Variants in GOLGA4 observed in about 807,000 individuals in gnomAD.
GOLGA4 encodes the protein golgin A4.
GOLGA4 carries 169 observed loss-of-function variants against 265.9 expected under a neutral mutation model. The observed-to-expected ratio is 0.64, with a 90% confidence interval of 0.56 to 0.72. GOLGA4 has a LOEUF of 0.72. GOLGA4 is among the 30% of genes least tolerant of loss of function. GOLGA4 has a pLI of 0.00. For missense variants in GOLGA4, 2,482 were observed against 2,483.4 expected (o/e 1.00, Z 0.01); for synonymous variants, 923 against 855.8 (o/e 1.08, Z -1.37).
At chr3:37,298,560 T>C (rs1439073059) in intron 7 of GOLGA4, among the ~76,000 whole-genome samples, 1 of 152,228 alleles carries the variant, frequency 6.6e-6, no homozygotes, top group African/African-American at 2.4e-5. Flanking sequence ...TTGGCTAATT[T>C]GTTAGTCCTA....
intron 11 of GOLGA4, among the ~76,000 whole-genome samples, chr3:37,317,795 T>C (rs970984115): frequency 4.6e-5 from 7 of 152,300 alleles, no homozygotes; most frequent in African/African-American, 1.7e-4. Context: ...TGGTCTTTTA[T>C]GGATTTGTAG....
rs1162832884 is a variant in GOLGA4, at chr3:37,325,125, T to A, written c.3239T>A (p.Ile1080Asn). ...GAGGTAGCAGAACTGAAACAAAAGATCCTCCTATTTGGGTGTGAAAAAGAA... is the reference window on the plus strand; with the variant it reads ...GAGGTAGCAGAACTGAAACAAAAGAACCTCCTATTTGGGTGTGAAAAAGAA... ...EQEVAELKQK[I>N]LLFGCEKEEM... The change falls in exon 14 of 24, where the codon ATC (isoleucine) becomes AAC (asparagine). Residue 1080 changes from isoleucine (I) to asparagine (N), a missense_variant. Transcript: ENST00000361924. 3 of 1,612,998 alleles carry A rather than the reference T, an allele frequency of 1.9e-6. No individual in the cohort carries two copies. The highest frequency in any genetic ancestry group is 2.5e-6 in the Non-Finnish European group (3 of 1,179,484).
chr3:37,278,417 G>C (rs1447964005), intron 2 of GOLGA4, among the ~76,000 whole-genome samples: 1 of 152,056 alleles, frequency 6.6e-6, no homozygotes, highest in Non-Finnish European at 1.5e-5. Context: ...TGGCCAGTCT[G>C]GTCTTGAACT....
At chr3:37,274,365 T>C (rs2096807749) in intron 2 of GOLGA4, among the ~76,000 whole-genome samples, 1 of 151,870 alleles carries the variant, frequency 6.6e-6, no homozygotes, top group Admixed American at 6.6e-5. Context: ...ATTTTTTGTT[T>C]GAACCCCTCC....
chr3:37,364,301 C>T (rs145066459), intron 23 of GOLGA4, among the ~76,000 whole-genome samples: 5,844 of 152,078 alleles, frequency 0.038, 143 homozygotes, highest in African/African-American at 0.056. Context: ...AGTGCAGTGG[C>T]GCAATCTCGG....
chr3:37,347,320 GGT>G, intron 21 of GOLGA4, 24 bp downstream of exon 21: 1 of 1,266,528 alleles, frequency 7.9e-7, no homozygotes, highest in Non-Finnish European at 1.2e-6. Context: ...CTCGTGATTT[GGT>G]GTGTGGCTTA....
intron 10 of GOLGA4, among the ~76,000 whole-genome samples, chr3:37,303,659 C>G (rs1270260257): frequency 2.0e-5 from 3 of 152,124 alleles, no homozygotes; most frequent in Non-Finnish European, 2.9e-5. Flanking sequence ...AGCCTAGGAT[C>G]GAAGCCTGTG....
At chr3:37,299,201 A>G in intron 8 of GOLGA4, 87 bp from the exon 9 acceptor site, 1 of 981,344 alleles carries the variant, frequency 1.0e-6, no homozygotes, top group South Asian at 1.4e-5. Context: ...GCACTGTAAC[A>G]TGTATATAAA....
At chr3:37,254,506 A>ATTAATTGTTTTAATTAAACAATTGT (rs944623237) in intron 2 of GOLGA4, among the ~76,000 whole-genome samples, 19 of 152,074 alleles carry the variant, frequency 1.2e-4, no homozygotes, top group Non-Finnish European at 2.2e-4. Context: ...TAATTAAAAA[A>ATTAATTGTTTTAATTAAACAATTGT]TTAATTGTTT....
chr3:37,289,344 C>T, intron 5 of GOLGA4, 53 bp downstream of exon 5: 1 of 1,118,584 alleles, frequency 8.9e-7, no homozygotes, highest in Non-Finnish European at 1.3e-6. Context: ...TCATATTTAT[C>T]AGAACTGTTG....
chr3:37,320,112 T>A (rs1318558577), intron 12 of GOLGA4: 1 of 106,106 alleles, frequency 9.4e-6, no homozygotes, highest in Admixed American at 1.1e-4. Flanking sequence ...AAAAAAGAGT[T>A]AAATTAAAAA....
chr3:37,244,962 G>T (rs902097830), intron 1 of GOLGA4, among the ~76,000 whole-genome samples: 1 of 152,180 alleles, frequency 6.6e-6, no homozygotes, highest in African/African-American at 2.4e-5. Context: ...TGAATGTAAG[G>T]CACTTCCACT....
rs369553091 is a variant in GOLGA4 at position 37,365,773 on chromosome 3, A to G, written c.*34-307A>G. 2.0e-5 allele frequency among the ~76,000 whole-genome samples: 3 copies of G among 151,560 alleles called. No individual in the cohort carries two copies. In the East Asian group the frequency reaches 5.9e-4, roughly 30 times the overall value. ...ATGTTAATTTTTAGAAGATACCTTTAAGATTTAGTGTTTAGACAATTTCTA... is the reference window on the plus strand; with the variant it reads ...ATGTTAATTTTTAGAAGATACCTTTGAGATTTAGTGTTTAGACAATTTCTA... On this transcript the variant is annotated intron_variant, in intron 23 of 23. Coordinates refer to ENST00000361924, the MANE Select transcript of GOLGA4 (RefSeq NM_002078.5).
At chr3:37,257,183 T>C (rs2096751224) in intron 2 of GOLGA4, among the ~76,000 whole-genome samples, 1 of 152,240 alleles carries the variant, frequency 6.6e-6, no homozygotes, top group African/African-American at 2.4e-5. Context: ...ATGTTACCTT[T>C]TGTGTCTGAC....
intron 5 of GOLGA4, among the ~76,000 whole-genome samples, chr3:37,292,473 G>A (rs538810260): frequency 6.6e-6 from 1 of 152,218 alleles, no homozygotes; most frequent in African/African-American, 2.4e-5. Flanking sequence ...AGATCACGAG[G>A]TCAAGAGATC....
intron 1 of GOLGA4, 34 bp from the exon 2 acceptor site, chr3:37,251,359 AGT>A (rs757730167): frequency 7.8e-7 from 1 of 1,282,646 alleles, no homozygotes; most frequent in Non-Finnish European, 1.1e-6. Context: ...TAGTCAATAT[AGT>A]CTTGCTAATT....
intron 15 of GOLGA4, 68 bp downstream of exon 15, chr3:37,328,605 T>C: frequency 7.1e-7 from 1 of 1,412,252 alleles, no homozygotes; most frequent in African/African-American, 1.4e-5. Flanking sequence ...CTTATCATTT[T>C]TGCAGTGGTG....
At chr3:37,342,368 G>T (rs1009823703) in intron 20 of GOLGA4, among the ~76,000 whole-genome samples, 6 of 151,788 alleles carry the variant, frequency 4.0e-5, no homozygotes, top group African/African-American at 1.5e-4. Flanking sequence ...AGTAAATTGA[G>T]CACCTATCTT....
rs1226775035 is a variant in GOLGA4 at position 37,273,488 on chromosome 3, T to C, written c.163-8470T>C. 11 of 1,017,358 alleles carry C rather than the reference T, an allele frequency of 1.1e-5. No homozygotes were observed. In the East Asian group the frequency reaches 2.6e-4, roughly 24 times the overall value. 63.0% of individuals were successfully genotyped at this position (1,017,358 alleles called of 1,614,324 possible). A position where few individuals can be genotyped will look rare whatever the true frequency, so the allele number is the denominator to read the frequency against. On this transcript the variant is annotated intron_variant, in intron 2 of 23. Transcript: ENST00000361924. ...GCTTTATTCTTAACAGTTTTAAACC[T>C]TTAGTTTTTTGTTCTTTTGCTTTAC... is the stretch of plus-strand genomic sequence containing the variant.
Sources: gnomAD v4.1 joint callset for allele counts (sites outside exome capture counted in the v4.1 genomes callset) on GRCh38, gnomAD v4.1.1 for gene constraint, MANE v1.5 for transcripts, NCBI Gene and HGNC (gene_info 2026-07-23, HGNC 2026-07-21) for gene names.